SGMS1: variants seen among roughly 807,000 people sequenced by gnomAD.
The protein encoded by SGMS1 is sphingomyelin synthase 1.
In SGMS1, 13 loss-of-function variants were observed where a neutral mutation model predicts 46.2. The ratio of observed to expected loss-of-function variants is 0.28; its 90% CI spans 0.18 to 0.45. The LOEUF is 0.45. Ranked by LOEUF, SGMS1 falls within the 20% of genes least tolerant of loss-of-function variation. The pLI is 1.00. For missense variants in SGMS1, 324 were observed against 519.9 expected (o/e 0.62, Z 3.66); for synonymous variants, 203 against 187.8 (o/e 1.08, Z -0.66).
chr10:50,582,428 C>T (rs947263267), intron 2 of SGMS1, among the ~76,000 whole-genome samples: 1 of 152,168 alleles, frequency 6.6e-6, no homozygotes, highest in Non-Finnish European at 1.5e-5. Context: ...AACTGGCTGG[C>T]GGTCGTGAGA....
chr10:50,539,556 T>A (rs1838034149), intron 2 of SGMS1, among the ~76,000 whole-genome samples: 1 of 152,210 alleles, frequency 6.6e-6, no homozygotes. Context: ...GGAGCTTATT[T>A]AAAGTACAAA....
intron 6 of SGMS1, among the ~76,000 whole-genome samples, chr10:50,385,389 C>A (rs1848667656): frequency 6.6e-6 from 1 of 152,176 alleles, no homozygotes; most frequent in Admixed American, 6.5e-5. Context: ...TTCTCACTCT[C>A]CCAGTTTCTG....
intron 2 of SGMS1, among the ~76,000 whole-genome samples, chr10:50,574,982 TATAA>T (rs1838370381): frequency 6.9e-6 from 1 of 145,080 alleles, no homozygotes; most frequent in Non-Finnish European, 1.5e-5. Flanking sequence ...TATATATATA[TATAA>T]AACAAAGTAT....
At chr10:50,311,171 C>T in intron 9 of SGMS1, 91 bp downstream of exon 9, 5 of 1,485,274 alleles carry the variant, frequency 3.4e-6, no homozygotes, top group Non-Finnish European at 4.6e-6. Flanking sequence ...CTTGCTTCAG[C>T]AGATTTTCCA....
At chr10:50,578,882 G>C (rs1182718281) in intron 2 of SGMS1, among the ~76,000 whole-genome samples, 1 of 152,296 alleles carries the variant, frequency 6.6e-6, no homozygotes, top group Admixed American at 6.5e-5. Flanking sequence ...CTGGAAATCT[G>C]ATAGATGACA....
At position 50,568,766 on chromosome 10, in the gene SGMS1, G is replaced by C. The variant is rs563500807; in HGVS notation, c.-589+21387C>G. On this transcript the variant is annotated intron_variant, in intron 2 of 10. Coordinates refer to ENST00000361781, the MANE Select transcript of SGMS1 (RefSeq NM_147156.4). The stretch of plus-strand genomic sequence containing the variant: ...TTTTCCCCTATATTAATGAAGGTAA[G>C]CAACCTACAGTACACCAACGTGTCA... Among the ~76,000 whole-genome samples the C allele has an allele frequency of 3.9e-5, 6 of 152,154 alleles. No homozygotes were observed. The East Asian group carries it at 9.6e-4, about 24-fold the overall frequency.
chr10:50,389,966 ATACTT>A (rs1429279091), intron 6 of SGMS1, among the ~76,000 whole-genome samples: 9 of 152,238 alleles, frequency 5.9e-5, no homozygotes, highest in African/African-American at 2.2e-4. Context: ...ATGACTTTGA[ATACTT>A]TACGTGTTTG....
At chr10:50,326,299 C>T (rs193154048) in intron 8 of SGMS1, among the ~76,000 whole-genome samples, 2 of 152,172 alleles carry the variant, frequency 1.3e-5, no homozygotes, top group Admixed American at 1.3e-4. Flanking sequence ...TTCATATGAT[C>T]AAATTAAAAA....
chr10:50,569,128 A>T (rs2131854575), intron 2 of SGMS1, among the ~76,000 whole-genome samples: 1 of 151,942 alleles, frequency 6.6e-6, no homozygotes, highest in African/African-American at 2.4e-5. Context: ...CAGGGAGGGG[A>T]ACATCACACA....
chr10:50,318,086 G>A (rs182491550), intron 8 of SGMS1, among the ~76,000 whole-genome samples: 153 of 152,288 alleles, frequency 1.0e-3, no homozygotes, highest in African/African-American at 3.4e-3. Context: ...GATTACAGGC[G>A]TGAGCCAACT....
intron 2 of SGMS1, among the ~76,000 whole-genome samples, chr10:50,581,417 T>C (rs918724306): frequency 6.6e-6 from 1 of 152,214 alleles, no homozygotes; most frequent in African/African-American, 2.4e-5. Context: ...TGAAATAGGA[T>C]AACCAACAAA....
chr10:50,411,887 TATG>T (rs1362562453), intron 6 of SGMS1, among the ~76,000 whole-genome samples: 1 of 152,204 alleles, frequency 6.6e-6, no homozygotes, highest in Admixed American at 6.5e-5. Context: ...TCTACTTCTG[TATG>T]ATAAGGAAAG....
intron 6 of SGMS1, among the ~76,000 whole-genome samples, chr10:50,416,322 G>A (rs1017385546): frequency 2.6e-5 from 4 of 152,130 alleles, no homozygotes; most frequent in African/African-American, 9.7e-5. Context: ...TAACCTTACT[G>A]AGCCTGTTCT....
At chr10:50,379,944 G>C (rs1848577792) in intron 6 of SGMS1, among the ~76,000 whole-genome samples, 1 of 152,154 alleles carries the variant, frequency 6.6e-6, no homozygotes, top group Non-Finnish European at 1.5e-5. Flanking sequence ...GCTTGAGTAA[G>C]TGACAAAATT....
At chr10:50,340,414 T>C (rs1278684719) in intron 7 of SGMS1, 1 of 152,200 alleles carries the variant, frequency 6.6e-6, no homozygotes, top group Admixed American at 6.5e-5. Flanking sequence ...CTGACACAAA[T>C]GCAGAGATTT....
chr10:50,512,872 C>T (rs1837769377), intron 3 of SGMS1, among the ~76,000 whole-genome samples: 1 of 152,182 alleles, frequency 6.6e-6, no homozygotes, highest in South Asian at 2.1e-4. Flanking sequence ...CCCGGGGTAA[C>T]ACATGGACTA....
At chr10:50,559,844 A>T (rs1369057136) in intron 2 of SGMS1, among the ~76,000 whole-genome samples, 1 of 152,172 alleles carries the variant, frequency 6.6e-6, no homozygotes, top group Non-Finnish European at 1.5e-5. Flanking sequence ...AGGTAAAATT[A>T]TAAGTAATTC....
chr10:50,334,332 G>A (rs1847677351), intron 7 of SGMS1, among the ~76,000 whole-genome samples: 1 of 152,176 alleles, frequency 6.6e-6, no homozygotes, highest in East Asian at 1.9e-4. Flanking sequence ...ATATATGTGT[G>A]TATACATTAG....
chr10:50,349,168 A>T (rs10825779), intron 6 of SGMS1, among the ~76,000 whole-genome samples: 70,607 of 152,120 alleles, frequency 0.46, 18,159 homozygotes, highest in African/African-American at 0.7. Flanking sequence ...ACTAACTGGG[A>T]CAACAAAATT....
Sources: allele counts gnomAD v4.1 joint callset (sites outside exome capture counted in the v4.1 genomes callset), GRCh38; gene constraint gnomAD v4.1.1; transcripts MANE v1.5; gene names NCBI Gene and HGNC (gene_info 2026-07-23, HGNC 2026-07-21).